The following RAB28 variants were observed in gnomAD, a reference collection of about 807,000 sequenced individuals.
The protein encoded by RAB28 is RAB28, member RAS oncogene family, also known as ras-related protein Rab-28.
In RAB28, 24 loss-of-function variants were observed where a neutral mutation model predicts 31.7. The observed-to-expected ratio is 0.76, with a 90% CI of 0.55 to 1.06. The LOEUF (loss-of-function observed/expected upper bound fraction) is 1.06. RAB28 is among the 50% of genes least tolerant of loss of function. RAB28 has a pLI of 0.00. For synonymous variants in RAB28, 100 were observed against 90.4 expected (o/e 1.11, Z -0.60); for missense variants, 254 against 258.5 (o/e 0.98, Z 0.12).
intron 4 of RAB28, among the ~76,000 whole-genome samples, chr4:13,397,726 T>G (rs985596150): frequency 6.6e-6 from 1 of 152,162 alleles, no homozygotes; most frequent in African/African-American, 2.4e-5. Context: ...AAACATGTCA[T>G]GAAACTTGCG....
At chr4:13,370,404 G>T (rs1728674250) in intron 6 of RAB28, 1 of 865,004 alleles carries the variant, frequency 1.2e-6, no homozygotes, top group Admixed American at 6.2e-5. Context: ...GATATACTAT[G>T]TGCCAGTCAC....
rs569663206 is a variant in RAB28 at position 13,386,791 on chromosome 4, G to C, written c.392-5197C>G. Among the ~76,000 whole-genome samples the C allele has an allele frequency of 1.7e-4, 26 of 152,200 alleles. No individual in the cohort carries two copies. In the East Asian group the frequency reaches 3.9e-3, roughly 23 times the overall value. ...AAATCATTCTATCTTAAAAACACTT[G>C]CAAGTGTATGTCCCTTGCAGCACTA... On this transcript the variant is annotated intron_variant, in intron 4 of 6. Coordinates refer to ENST00000330852, the MANE Select transcript of RAB28 (RefSeq NM_001017979.3).
At chr4:13,473,913 CATATAG>C (rs1367344445) in intron 3 of RAB28, 7 of 360,790 alleles carry the variant, frequency 1.9e-5, no homozygotes, top group Non-Finnish European at 3.2e-5. Flanking sequence ...AAAACATAGA[CATATAG>C]ATATACTTTC....
At chr4:13,459,682 CA>C (rs201658611) in intron 4 of RAB28, 13,266 of 642,300 alleles carry the variant, frequency 0.021, no homozygotes, top group Non-Finnish European at 0.023. Context: ...CACTCTTTCT[CA>C]AAAAAAAAAA....
chr4:13,427,104 C>T (rs765058617), intron 4 of RAB28, among the ~76,000 whole-genome samples: 2 of 152,122 alleles, frequency 1.3e-5, no homozygotes, highest in Non-Finnish European at 2.9e-5. Flanking sequence ...TTAAAGCAAA[C>T]TTTTCCATTA....
chr4:13,431,907 A>G (rs1713827898), intron 4 of RAB28, among the ~76,000 whole-genome samples: 1 of 152,056 alleles, frequency 6.6e-6, no homozygotes. Context: ...TGACACCTCC[A>G]AAGAACAGTA....
At chr4:13,378,431 A>T (rs1729004940) in intron 5 of RAB28, among the ~76,000 whole-genome samples, 1 of 152,180 alleles carries the variant, frequency 6.6e-6, no homozygotes, top group Admixed American at 6.5e-5. Flanking sequence ...AGTCTGCTGG[A>T]ACTGGAAGAG....
At chr4:13,413,556 T>C (rs1684526124) in intron 4 of RAB28, among the ~76,000 whole-genome samples, 1 of 151,944 alleles carries the variant, frequency 6.6e-6, no homozygotes, top group Non-Finnish European at 1.5e-5. Context: ...AAGCATAAAG[T>C]TTTAAGAGAG....
intron 4 of RAB28, among the ~76,000 whole-genome samples, chr4:13,451,369 T>C (rs1225329329): frequency 6.6e-6 from 1 of 151,548 alleles, no homozygotes; most frequent in Admixed American, 6.6e-5. Flanking sequence ...TTGCCCATTT[T>C]TTAAATTGGA....
At chr4:13,369,662 A>AT (rs890684533) in intron 6 of RAB28, among the ~76,000 whole-genome samples, 10 of 152,136 alleles carry the variant, frequency 6.6e-5, no homozygotes, top group Non-Finnish European at 1.2e-4. Context: ...CTGAAATGTT[A>AT]TTTTAATTTG....
intron 4 of RAB28, among the ~76,000 whole-genome samples, chr4:13,438,991 T>A (rs924041326): frequency 2.0e-5 from 3 of 152,212 alleles, no homozygotes; most frequent in African/African-American, 7.2e-5. Flanking sequence ...TGACATGTTG[T>A]CTTATTGTGG....
chr4:13,407,582 TATAA>T (rs1712175510), intron 4 of RAB28, among the ~76,000 whole-genome samples: 1 of 152,238 alleles, frequency 6.6e-6, no homozygotes, highest in Non-Finnish European at 1.5e-5. Context: ...GCATTGAATC[TATAA>T]ATCACTTTGG....
chr4:13,451,354 A>G (rs1483846432), intron 4 of RAB28, among the ~76,000 whole-genome samples: 1 of 146,296 alleles, frequency 6.8e-6, no homozygotes, highest in African/African-American at 2.5e-5. Context: ...GTCTGTTCAG[A>G]TCATTTGCCC....
intron 4 of RAB28, among the ~76,000 whole-genome samples, chr4:13,424,691 T>A (rs1210826419): frequency 6.6e-6 from 1 of 152,192 alleles, no homozygotes; most frequent in African/African-American, 2.4e-5. Flanking sequence ...CCTAACATAG[T>A]ATACAGGCAA....
chr4:13,374,168 G>A (rs1014640020), intron 6 of RAB28, among the ~76,000 whole-genome samples: 16 of 152,120 alleles, frequency 1.1e-4, no homozygotes, highest in African/African-American at 3.9e-4. Context: ...ATATAGAAGA[G>A]TGCTGCAGTA....
At position 13,404,160 on chromosome 4, in the gene RAB28, C is replaced by T. The variant is rs1020500453; in HGVS notation, c.392-22566G>A. Among the ~76,000 whole-genome samples, 8 of 152,300 alleles carry T rather than the reference C, an allele frequency of 5.3e-5. No homozygotes were observed. The East Asian group carries it at 1.5e-3, about 29-fold the overall frequency. ...GTGGGAGGCCAAGGCGGGAGGATCACCTGAGGTCAGGAGTTTGAGACCAGC... is the reference window on the plus strand; with the variant it reads ...GTGGGAGGCCAAGGCGGGAGGATCATCTGAGGTCAGGAGTTTGAGACCAGC... On this transcript the variant is annotated intron_variant, in intron 4 of 6. Transcript: ENST00000330852.
chr4:13,380,134 T>G (rs2108881286), intron 5 of RAB28, among the ~76,000 whole-genome samples: 1 of 152,236 alleles, frequency 6.6e-6, no homozygotes, highest in East Asian at 1.9e-4. Flanking sequence ...ATTACATTTT[T>G]TAAAAAGGCA....
intron 1 of RAB28, among the ~76,000 whole-genome samples, chr4:13,479,962 G>A (rs1363219290): frequency 1.3e-5 from 2 of 151,662 alleles, no homozygotes. Context: ...CATTCATTAA[G>A]GAGGGAGAAA....
At chr4:13,479,878 T>A (rs1451304687) in intron 1 of RAB28, among the ~76,000 whole-genome samples, 2 of 151,646 alleles carry the variant, frequency 1.3e-5, no homozygotes, top group Non-Finnish European at 3.0e-5. Context: ...TAATTAAAGA[T>A]CTAATCTAAC....
Sources: gnomAD v4.1 joint callset for allele counts (sites outside exome capture counted in the v4.1 genomes callset) on GRCh38, gnomAD v4.1.1 for gene constraint, MANE v1.5 for transcripts, NCBI Gene and HGNC (gene_info 2026-07-23, HGNC 2026-07-21) for gene names.